The following DIAPH2 variants were observed in gnomAD, a reference collection of about 807,000 sequenced individuals.
DIAPH2 encodes diaphanous related formin 2.
A neutral mutation model predicts 92.7 loss-of-function variants in DIAPH2; 35 were observed. The observed-to-expected ratio is 0.38, with a 90% CI of 0.29 to 0.50. The LOEUF (loss-of-function observed/expected upper bound fraction) is 0.50, where lower values mean the gene tolerates loss of function less well. Ranked by LOEUF, DIAPH2 falls within the 20% of genes least tolerant of loss-of-function variation. The pLI is 0.94. For missense variants in DIAPH2, 701 were observed against 819.5 expected (o/e 0.86, Z 1.77); for synonymous variants, 301 against 280.4 (o/e 1.07, Z -0.73).
chrX:97,122,673 G>T (rs767332635), intron 21 of DIAPH2, among the ~76,000 whole-genome samples: 1 of 112,106 alleles, frequency 8.9e-6, no homozygotes, highest in East Asian at 2.8e-4. Flanking sequence ...AGAAGAAAAT[G>T]ACTTTGTGGG....
chrX:97,593,641 A>C (rs1296804542), intron 26 of DIAPH2, among the ~76,000 whole-genome samples: 2 of 111,881 alleles, frequency 1.8e-5, no homozygotes, highest in Admixed American at 9.5e-5. Context: ...GCAAAAAATG[A>C]AACCATATAT....
At position 97,601,215 on chromosome X, in the gene DIAPH2, A is replaced by G. The variant is rs987633139; in HGVS notation, c.*1898A>G. 1 of 111,774 alleles carries G rather than the reference A, an allele frequency of 8.9e-6. No individual in the cohort carries two copies. The highest frequency in any genetic ancestry group is 1.9e-5 in the Non-Finnish European group (1 of 53,083). The allele number at this position is 111,774 out of a possible 1,213,427, so 9.2% of individuals were successfully genotyped here. ...GCTTTTTTAATTCTTTTGACAGCTT[A>G]TCAGTCTGTAGGAGAATGATCTTGA... On this transcript the variant is annotated 3_prime_UTR_variant, in exon 27 of 27. Coordinates refer to ENST00000324765, the MANE Select transcript of DIAPH2 (RefSeq NM_006729.5).
At chrX:96,726,518 A>T (rs774901231) in intron 1 of DIAPH2, among the ~76,000 whole-genome samples, 1 of 111,846 alleles carries the variant, frequency 8.9e-6, no homozygotes, top group East Asian at 2.8e-4. Context: ...TGGCTAGATG[A>T]TTAAGAAAGA....
chrX:97,369,627 T>G (rs779105498), intron 24 of DIAPH2, among the ~76,000 whole-genome samples: 1 of 110,593 alleles, frequency 9.0e-6, no homozygotes, highest in East Asian at 2.8e-4. Flanking sequence ...TTACCCTGAG[T>G]TTTCAGACAA....
chrX:96,885,020 A>T (rs1029836959), intron 5 of DIAPH2: 4 of 1,210,954 alleles, frequency 3.3e-6, no homozygotes, highest in Non-Finnish European at 4.5e-6. Context: ...GCCATCAAGG[A>T]AGCGATTGAT....
chrX:97,369,584 T>TTATA (rs746043167), intron 24 of DIAPH2, among the ~76,000 whole-genome samples: 10 of 107,765 alleles, frequency 9.3e-5, no homozygotes, highest in Admixed American at 3.0e-4. Flanking sequence ...TTTTGATGTT[T>TTATA]TATATATATA....
At chrX:96,850,200 A>G (rs1444225221) in intron 4 of DIAPH2, among the ~76,000 whole-genome samples, 3 of 111,670 alleles carry the variant, frequency 2.7e-5, no homozygotes, top group South Asian at 3.8e-4. Flanking sequence ...CACACATGGT[A>G]TGTTTACATT....
At chrX:97,320,738 A>T (rs921712081) in intron 23 of DIAPH2, among the ~76,000 whole-genome samples, 2 of 96,632 alleles carry the variant, frequency 2.1e-5, no homozygotes, top group African/African-American at 7.4e-5. Context: ...AAAAAAAAAA[A>T]TCTCTCAAGT....
At chrX:97,488,767 G>A (rs1388855741) in intron 26 of DIAPH2, among the ~76,000 whole-genome samples, 1 of 111,761 alleles carries the variant, frequency 8.9e-6, no homozygotes, top group Non-Finnish European at 1.9e-5. Context: ...TATATGCATG[G>A]ATATATTTCT....
At chrX:97,237,733 C>G (rs1159842574) in intron 22 of DIAPH2, among the ~76,000 whole-genome samples, 1 of 110,530 alleles carries the variant, frequency 9.0e-6, no homozygotes, top group African/African-American at 3.3e-5. Context: ...AGGCGCCTGC[C>G]ACCGCGCCTG....
At chrX:97,060,391 A>T (rs1286554728) in intron 17 of DIAPH2, among the ~76,000 whole-genome samples, 1 of 111,252 alleles carries the variant, frequency 9.0e-6, no homozygotes, top group Non-Finnish European at 1.9e-5. Context: ...TTCTAGTAAA[A>T]CCTTCAATTT....
chrX:96,847,780 C>T lies in DIAPH2; in HGVS notation c.448-33799C>T, dbSNP rs1179119178. Among the ~76,000 whole-genome samples the T allele has an allele frequency of 2.7e-5, 3 of 111,140 alleles. No homozygotes were observed. The East Asian group carries it at 8.5e-4, about 32-fold the overall frequency. ...GGTAGTTTTTGATCCTCACCCTCCTCCTACCTGCCAACCTCAAGTAGGCCC... is the reference window on the plus strand; with the variant it reads ...GGTAGTTTTTGATCCTCACCCTCCTTCTACCTGCCAACCTCAAGTAGGCCC... On this transcript the variant is annotated intron_variant, in intron 4 of 26. Coordinates refer to ENST00000324765, the MANE Select transcript of DIAPH2 (RefSeq NM_006729.5).
At chrX:96,931,265 G>A (rs2065617463) in intron 10 of DIAPH2, among the ~76,000 whole-genome samples, 1 of 111,480 alleles carries the variant, frequency 9.0e-6, no homozygotes, top group Non-Finnish European at 1.9e-5. Context: ...CATTGCTTAA[G>A]AATGTTACTC....
intron 23 of DIAPH2, among the ~76,000 whole-genome samples, chrX:97,268,543 T>C (rs1047487319): frequency 1.8e-5 from 2 of 112,374 alleles, no homozygotes; most frequent in Admixed American, 1.9e-4. Context: ...GTAACTTCTT[T>C]TGTTGTGGTG....
intron 5 of DIAPH2, among the ~76,000 whole-genome samples, chrX:96,889,969 T>C (rs1193737972): frequency 4.5e-5 from 5 of 112,201 alleles, no homozygotes; most frequent in African/African-American, 1.6e-4. Flanking sequence ...GCTTTTACTT[T>C]GAGTGAGCTG....
At chrX:97,350,775 A>G (rs973950014) in intron 24 of DIAPH2, among the ~76,000 whole-genome samples, 15 of 112,052 alleles carry the variant, frequency 1.3e-4, no homozygotes, top group African/African-American at 4.9e-4. Context: ...AATTTCAGAG[A>G]TGGCAGAGTC....
At chrX:96,782,259 C>T (rs771415049) in intron 4 of DIAPH2, among the ~76,000 whole-genome samples, 118 of 111,200 alleles carry the variant, frequency 1.1e-3, no homozygotes, top group African/African-American at 3.5e-3. Flanking sequence ...CCACCACACC[C>T]GGCCAATTGT....
At chrX:97,152,348 G>A (rs1017831579) in intron 22 of DIAPH2, among the ~76,000 whole-genome samples, 1 of 112,158 alleles carries the variant, frequency 8.9e-6, no homozygotes, top group African/African-American at 3.2e-5. Context: ...GACAAATTTA[G>A]CAAATATAAC....
chrX:97,582,267 G>A (rs1376430817), intron 26 of DIAPH2, among the ~76,000 whole-genome samples: 10 of 57,363 alleles, frequency 1.7e-4, no homozygotes, highest in African/African-American at 6.8e-5. Flanking sequence ...TCCTAGTCTC[G>A]ATGGTCTTTA....
Sources: gnomAD v4.1 joint callset for allele counts (sites outside exome capture counted in the v4.1 genomes callset) on GRCh38, gnomAD v4.1.1 for gene constraint, MANE v1.5 for transcripts, NCBI Gene and HGNC (gene_info 2026-07-23, HGNC 2026-07-21) for gene names.